TOX2: variants seen among roughly 807,000 people sequenced by gnomAD.
TOX2 encodes granulosa cell HMG box 1.
In TOX2, 15 loss-of-function variants were observed where a neutral mutation model predicts 47.4. The observed-to-expected ratio is 0.32, with a 90% CI of 0.21 to 0.49. The LOEUF is 0.49. TOX2 is among the 20% of genes least tolerant of loss of function. The pLI is 0.99. For synonymous variants in TOX2, 290 were observed against 296.6 expected, an observed-to-expected ratio of 0.98 and a Z score of 0.23; for missense variants, 622 against 673.1, an observed-to-expected ratio of 0.92 and a Z score of 0.84.
chr20:43,968,961 C>G lies in TOX2; in HGVS notation c.100-4406C>G, dbSNP rs546677455. Among the ~76,000 whole-genome samples, 3 of 152,312 alleles carry G rather than the reference C, an allele frequency of 2.0e-5. No homozygotes were observed. In the South Asian group the frequency reaches 6.2e-4, roughly 32 times the overall value. Reference sequence around the variant, plus strand: ...GTGAAATATGCATAGAATTGAAGTTCATGTGCATCTTTGCTTTGTATGTCT... The same window carrying G: ...GTGAAATATGCATAGAATTGAAGTTGATGTGCATCTTTGCTTTGTATGTCT... On this transcript the variant is annotated intron_variant, in intron 1 of 8. Transcript: ENST00000341197.
Position 43,927,193 on chromosome 20 carries a change from G to C in TOX2, c.99+12203G>C, listed in dbSNP as rs575518811. ...CAGTTCAAATGCAACTTACCAATCA[G>C]GGGTCATTTTTACCATAAGCAGAGT... On this transcript the variant is annotated intron_variant, in intron 1 of 8. Transcript: ENST00000341197. 8.8e-4 allele frequency among the ~76,000 whole-genome samples: 134 copies of C among 152,218 alleles called. 1 individual carries two copies. The highest frequency in any genetic ancestry group is 3.4e-3 in the Middle Eastern group (1 of 294).
intron 1 of TOX2, among the ~76,000 whole-genome samples, chr20:43,944,403 C>T (rs6103526): frequency 0.043 from 6,483 of 152,236 alleles, 436 homozygotes; most frequent in African/African-American, 0.14. Flanking sequence ...AGAAGGAGAT[C>T]TTTGAGCAGA....
chr20:43,938,695 C>T lies in TOX2; in HGVS notation c.99+23705C>T, dbSNP rs564861382. ...GCTAGTATTTGACAGAGCTGGCATT[C>T]GAACCTGCATCTTCATGCCCCAGGA... On this transcript the variant is annotated intron_variant, in intron 1 of 8. Coordinates refer to ENST00000341197, the MANE Select transcript of TOX2 (RefSeq NM_001098797.2). Among the ~76,000 whole-genome samples the T allele has an allele frequency of 9.2e-5, 14 of 152,338 alleles. No individual in the cohort carries two copies. In the South Asian group the frequency reaches 1.0e-3, roughly 11 times the overall value.
At chr20:43,976,507 C>T (rs111800469) in intron 2 of TOX2, among the ~76,000 whole-genome samples, 5 of 152,182 alleles carry the variant, frequency 3.3e-5, no homozygotes, top group African/African-American at 1.2e-4. Context: ...GTCACAGGAC[C>T]AGCCTAGATC....
chr20:44,011,494 TC>T (rs1450476367), intron 3 of TOX2, among the ~76,000 whole-genome samples: 6 of 152,298 alleles, frequency 3.9e-5, no homozygotes, highest in African/African-American at 1.4e-4. Context: ...AGAGGAAGTG[TC>T]CCCTGATGCA....
rs1209038294 is a variant in TOX2 at position 43,931,475 on chromosome 20, C to G, written c.99+16485C>G. 3.9e-5 allele frequency among the ~76,000 whole-genome samples: 6 copies of G among 152,294 alleles called. No individual in the cohort carries two copies. In the East Asian group the frequency reaches 5.8e-4, roughly 15 times the overall value. ...TTAAATTTCTGCTCAAGCGCCACCCCCTCCTGGAGGCTTTCACTGCTATCC... is the reference window on the plus strand; with the variant it reads ...TTAAATTTCTGCTCAAGCGCCACCCGCTCCTGGAGGCTTTCACTGCTATCC... On this transcript the variant is annotated intron_variant, in intron 1 of 8. Transcript: ENST00000341197.
At position 44,066,872 on chromosome 20, in the gene TOX2, G is replaced by A. The variant is rs369893538; in HGVS notation, c.1484+15G>A. On this transcript the variant is annotated intron_variant, in intron 8 of 8. Transcript: ENST00000341197. ...AGCACCTGCAGGTTAGTCCTCGCCC[G>A]TCCCTGCCTTTGTCCTGCCAGCCAG... 38 of 1,606,178 alleles carry A rather than the reference G, an allele frequency of 2.4e-5. No homozygotes were observed. Among genetic ancestry groups the A allele is most frequent in the African/African-American group, 1.1e-4 (8 of 74,850 alleles).
At chr20:43,995,278 G>A (rs1002178377) in intron 2 of TOX2, among the ~76,000 whole-genome samples, 1 of 152,044 alleles carries the variant, frequency 6.6e-6, no homozygotes, top group African/African-American at 2.4e-5. Flanking sequence ...TGACATAGGG[G>A]TATTATCTGA....
At chr20:43,996,789 G>T (rs1490816617) in intron 2 of TOX2, among the ~76,000 whole-genome samples, 1 of 145,894 alleles carries the variant, frequency 6.9e-6, no homozygotes, top group Non-Finnish European at 1.5e-5. Context: ...TGGATAAATT[G>T]CCAGAAGCCC....
chr20:44,035,026 C>G (rs6073293), intron 3 of TOX2, among the ~76,000 whole-genome samples: 1 of 152,004 alleles, frequency 6.6e-6, no homozygotes, highest in Non-Finnish European at 1.5e-5. Context: ...ACTCATCCCA[C>G]GCATTCCACT....
At chr20:43,964,348 G>A (rs1287582469) in intron 1 of TOX2, among the ~76,000 whole-genome samples, 1 of 152,206 alleles carries the variant, frequency 6.6e-6, no homozygotes, top group Non-Finnish European at 1.5e-5. Flanking sequence ...TGGCCCTGAT[G>A]TGTATTTCCC....
intron 1 of TOX2, among the ~76,000 whole-genome samples, chr20:43,927,634 TCCTTCCTCC>T (rs1569003536): frequency 2.8e-4 from 36 of 129,936 alleles, no homozygotes; most frequent in African/African-American, 9.7e-4. Context: ...CCTCCTTCCT[TCCTTCCTCC>T]CCTTCCCTTC....
Position 43,948,675 on chromosome 20 carries a change from A to G in TOX2, c.100-24692A>G, listed in dbSNP as rs569453897. On this transcript the variant is annotated intron_variant, in intron 1 of 8. Coordinates refer to ENST00000341197, the MANE Select transcript of TOX2 (RefSeq NM_001098797.2). Reference sequence around the variant, plus strand: ...CCCACTGGGAGGCCCAGGGCTGCCCAGGAGCTGCCATCTCCGTCTAGCCAG... The same window carrying G: ...CCCACTGGGAGGCCCAGGGCTGCCCGGGAGCTGCCATCTCCGTCTAGCCAG... 2.4e-4 allele frequency among the ~76,000 whole-genome samples: 37 copies of G among 152,328 alleles called. 1 individual carries two copies. In the South Asian group the frequency reaches 7.7e-3, roughly 32 times the overall value.
intron 5 of TOX2, among the ~76,000 whole-genome samples, chr20:44,057,132 C>T (rs1358533926): frequency 6.6e-6 from 1 of 152,130 alleles, no homozygotes; most frequent in African/African-American, 2.4e-5. Flanking sequence ...CTGTGTTGCT[C>T]AGGCTGACAA....
At chr20:43,972,832 C>A (rs2069999673) in intron 1 of TOX2, among the ~76,000 whole-genome samples, 1 of 152,280 alleles carries the variant, frequency 6.6e-6, no homozygotes, top group African/African-American at 2.4e-5. Context: ...ATAGTCCTCA[C>A]TGCCTGTAGC....
intron 2 of TOX2, among the ~76,000 whole-genome samples, chr20:43,974,876 C>T (rs947591107): frequency 6.6e-6 from 1 of 152,234 alleles, no homozygotes; most frequent in Non-Finnish European, 1.5e-5. Context: ...TACCATGCCC[C>T]TCTCTGGCCT....
chr20:44,040,036 G>T (rs1249993212), intron 3 of TOX2, among the ~76,000 whole-genome samples: 1 of 152,230 alleles, frequency 6.6e-6, no homozygotes, highest in Non-Finnish European at 1.5e-5. Context: ...GGGCAGCGGG[G>T]TGTGGGTTCT....
chr20:43,967,299 A>G (rs147305628), intron 1 of TOX2, among the ~76,000 whole-genome samples: 22 of 152,292 alleles, frequency 1.4e-4, no homozygotes, highest in African/African-American at 4.6e-4. Flanking sequence ...ACTATATATT[A>G]GAATCTGGAG....
At position 44,068,730 on chromosome 20, in the gene TOX2, T is replaced by C; in HGVS notation, c.*44T>C. 6.2e-7 allele frequency: 1 copy of C among 1,612,812 alleles called. No individual in the cohort carries two copies. Among genetic ancestry groups the C allele is most frequent in the South Asian group, 1.1e-5 (1 of 90,948 alleles). On this transcript the variant is annotated 3_prime_UTR_variant, in exon 9 of 9. Transcript: ENST00000341197. ...CCTGAGGCTCGCTGGAAGGCACTGC[T>C]CAGAGCCTGAAGGGCTGACAGCAGA...
Sources: allele counts gnomAD v4.1 joint callset (sites outside exome capture counted in the v4.1 genomes callset), GRCh38; gene constraint gnomAD v4.1.1; transcripts MANE v1.5; gene names NCBI Gene and HGNC (gene_info 2026-07-23, HGNC 2026-07-21).